MECR: variants seen among roughly 807,000 people sequenced by gnomAD.
The protein encoded by MECR is enoyl-[acyl-carrier-protein] reductase, mitochondrial.
In MECR, 37 loss-of-function variants were observed where a neutral mutation model predicts 49.1. The observed-to-expected ratio is 0.75, with a 90% confidence interval of 0.58 to 0.99. The LOEUF is 0.99. MECR is among the 50% of genes least tolerant of loss of function. The probability of loss-of-function intolerance (pLI) is 0.00; values close to 1 mark genes in which losing one functional copy is unlikely to be tolerated. For synonymous variants in MECR, 198 were observed against 191.1 expected, an observed-to-expected ratio of 1.04 and a Z score of -0.30; for missense variants, 470 against 479.6, an observed-to-expected ratio of 0.98 and a Z score of 0.19.
At chr1:29,230,385 C>T (rs917341719) in intron 1 of MECR, 1 of 258,196 alleles carries the variant, frequency 3.9e-6, no homozygotes, top group African/African-American at 2.3e-5. Flanking sequence ...AGTGATTTTA[C>T]CTCTTCTGCC....
At chr1:29,178,353 CT>C in the MECR span, among the ~76,000 whole-genome samples, 2 of 127,878 alleles carry the variant, frequency 1.6e-5, no homozygotes, top group East Asian at 4.6e-4. Flanking sequence ...GTTTCAATTA[CT>C]TTTTTTTTTG....
At chr1:29,186,395 T>C in the MECR span, among the ~76,000 whole-genome samples, 32 of 152,316 alleles carry the variant, frequency 2.1e-4, 1 homozygote, top group South Asian at 5.6e-3. Flanking sequence ...CAAGTGTTGT[T>C]TGTCATATTT....
At chr1:29,222,240 C>T (rs572112749) in intron 1 of MECR, among the ~76,000 whole-genome samples, 34 of 152,032 alleles carry the variant, frequency 2.2e-4, no homozygotes, top group Non-Finnish European at 4.0e-4. Flanking sequence ...ATTACAGGTG[C>T]GTGCCACCAC....
chr1:29,194,321 G>C, intron 9 of MECR, 142 bp from the exon 10 acceptor site: 2 of 902,482 alleles, frequency 2.2e-6, no homozygotes, highest in Non-Finnish European at 3.3e-6. Flanking sequence ...GGATAGGGTG[G>C]CTGTGGAGGC....
intron 1 of MECR, among the ~76,000 whole-genome samples, chr1:29,217,436 T>G (rs1679767154): frequency 1.3e-5 from 2 of 151,882 alleles, no homozygotes; most frequent in Admixed American, 1.3e-4. Flanking sequence ...AGGCTGGTCT[T>G]GAACTCCTGA....
intron 3 of MECR, among the ~76,000 whole-genome samples, chr1:29,212,231 C>G (rs747261379): frequency 3.3e-5 from 5 of 152,120 alleles, no homozygotes; most frequent in African/African-American, 4.8e-5. Context: ...CCAGCCTGGC[C>G]AACAAGACGA....
the MECR span, chr1:29,181,716 C>A: frequency 6.3e-7 from 1 of 1,594,490 alleles, no homozygotes. Flanking sequence ...CGCTCCCGGG[C>A]CTGGTAGCTC....
At chr1:29,223,484 A>C (rs2319014) in intron 1 of MECR, 18,899 of 166,880 alleles carry the variant, frequency 0.11, 1,462 homozygotes, top group East Asian at 0.41. Context: ...CAAACGGTCA[A>C]TATCATTTTG....
chr1:29,212,094 C>T (rs757214685), intron 3 of MECR, among the ~76,000 whole-genome samples: 2 of 152,244 alleles, frequency 1.3e-5, no homozygotes, highest in Non-Finnish European at 2.9e-5. Context: ...ATAAAATCCT[C>T]ATCCTCTCTG....
In MECR at chr1:29,206,778, G is replaced by A. The variant is rs757514440; in HGVS notation, c.534C>T (p.Phe178=). 3.7e-6 allele frequency: 6 copies of A among 1,613,950 alleles called. No homozygotes were observed. The highest frequency in any genetic ancestry group is 1.1e-5 in the South Asian group (1 of 91,080). Residue 178 remains phenylalanine (F), a synonymous_variant, in exon 4 of 10, where the codon TTC becomes TTT. Coordinates refer to ENST00000263702, the MANE Select transcript of MECR (RefSeq NM_016011.5). ...PCTAYRMLMD[F]EQLQPGDSVI... ...GGTTCCTACCTGGCTGCAGTTGCTC[G>A]AAGTCCATCAACATCCTGTAGGCTG...
At chr1:29,184,916 G>A in the MECR span, among the ~76,000 whole-genome samples, 1 of 152,158 alleles carries the variant, frequency 6.6e-6, no homozygotes, top group Non-Finnish European at 1.5e-5. Flanking sequence ...CCTGAGGCCA[G>A]GAGTTCGAGA....
At chr1:29,175,539 C>A in the MECR span, among the ~76,000 whole-genome samples, 11 of 148,070 alleles carry the variant, frequency 7.4e-5, no homozygotes, top group African/African-American at 2.7e-4. Context: ...ACTAAAAATA[C>A]AAAAAATTAG....
At chr1:29,229,097 T>C (rs1489940244) in intron 1 of MECR, 1 of 152,234 alleles carries the variant, frequency 6.6e-6, no homozygotes, top group Non-Finnish European at 1.5e-5. Flanking sequence ...CTGATGTGTC[T>C]TCTTGACATT....
At chr1:29,208,437 C>G (rs1315997376) in intron 3 of MECR, among the ~76,000 whole-genome samples, 1 of 152,242 alleles carries the variant, frequency 6.6e-6, no homozygotes, top group East Asian at 1.9e-4. Flanking sequence ...CAGGCAAGAA[C>G]AGCCTGACTC....
chr1:29,226,088 G>A (rs894452371), intron 1 of MECR, among the ~76,000 whole-genome samples: 2 of 142,562 alleles, frequency 1.4e-5, no homozygotes, highest in Admixed American at 1.5e-4. Context: ...AGAATCACTT[G>A]AACCTGGGAG....
At chr1:29,217,466 C>T (rs755696774) in intron 1 of MECR, among the ~76,000 whole-genome samples, 13 of 152,180 alleles carry the variant, frequency 8.5e-5, no homozygotes, top group South Asian at 8.3e-4. Flanking sequence ...CTGCCTGCCT[C>T]GGCCTCCTAA....
In MECR at chr1:29,196,249, T is replaced by C. The variant is rs760288567; in HGVS notation, c.840A>G (p.Gly280=). ...CCATCCCCCCATAGGTTACCATGGT[T>C]CCTCCACGCCTGAAAAGTCCAAAGA... is the stretch of plus-strand genomic sequence containing the variant. ...TELLRQLARG[G]TMVTYGGMAK... The change falls in exon 8 of 10, where the codon GGA becomes GGG. Residue 280 remains glycine, a synonymous_variant. Transcript: ENST00000263702. 1.2e-6 allele frequency: 2 copies of C among 1,612,698 alleles called. No individual in the cohort carries two copies. The highest frequency in any genetic ancestry group is 3.3e-5 in the Admixed American group (2 of 59,924).
chr1:29,179,193 T>C, the MECR span, among the ~76,000 whole-genome samples: 1 of 152,322 alleles, frequency 6.6e-6, no homozygotes, highest in East Asian at 1.9e-4. Context: ...TAATAGTCGT[T>C]GTTTCTGGTT....
At position 29,216,591 on chromosome 1, in the gene MECR, G is replaced by C. The variant is rs763295340; in HGVS notation, c.271C>G (p.Gln91Glu). ...PINPSDINMIQGNYGFLPELP... is the reference protein window; with the variant it reads ...PINPSDINMIEGNYGFLPELP... The stretch of plus-strand genomic sequence containing the variant: ...AAGCCACAGAAACCAAGGTTACCTT[G>C]GATCATATTTATGTCAGATGGATTG... Residue 91 changes from glutamine to glutamate, a missense_variant, in exon 2 of 10, where the codon CAA (glutamine) becomes GAA (glutamate). Physicochemically the swap from Gln to Glu is conservative, Grantham distance 29. Transcript: ENST00000263702. 2.5e-6 allele frequency: 4 copies of C among 1,614,034 alleles called. No homozygotes were observed. The East Asian group carries it at 8.9e-5, about 36-fold the overall frequency.
Sources: gnomAD v4.1 joint callset for allele counts (sites outside exome capture counted in the v4.1 genomes callset) on GRCh38, gnomAD v4.1.1 for gene constraint, MANE v1.5 for transcripts, NCBI Gene and HGNC (gene_info 2026-07-23, HGNC 2026-07-21) for gene names.